Variants in FAM174B observed in about 807,000 individuals in gnomAD.
The protein encoded by FAM174B is family with sequence similarity 174 member B.
In FAM174B, 12 loss-of-function variants were observed where a neutral mutation model predicts 10.9. That is an observed-to-expected ratio of 1.10 (90% confidence interval 0.71 to 1.79). The LOEUF (loss-of-function observed/expected upper bound fraction) is 1.79. Ranked by LOEUF, FAM174B falls within the 40% of genes most tolerant of loss-of-function variation. The pLI, the probability that FAM174B is intolerant of heterozygous loss-of-function variation, is 0.00. For missense variants in FAM174B, 266 were observed against 233.3 expected (o/e 1.14, Z -0.91); for synonymous variants, 132 against 115.8 (o/e 1.14, Z -0.90).
intron 1 of FAM174B, among the ~76,000 whole-genome samples, chr15:92,644,526 TG>T (rs1049692803): frequency 3.3e-5 from 5 of 152,104 alleles, no homozygotes; most frequent in Admixed American, 6.5e-5. Context: ...ACACAGAGGC[TG>T]GGGAGACCCT....
chr15:92,653,536 AG>A (rs772045273), intron 1 of FAM174B, among the ~76,000 whole-genome samples: 3 of 152,374 alleles, frequency 2.0e-5, no homozygotes, highest in East Asian at 3.9e-4. Context: ...GCTGAATGGC[AG>A]GCCCGCATCG....
chr15:92,630,490 G>A, intron 1 of FAM174B, 145 bp from the exon 2 acceptor site: 1 of 774,412 alleles, frequency 1.3e-6, no homozygotes. Flanking sequence ...AGGATCTGAT[G>A]GAAGGCAAAC....
intron 1 of FAM174B, among the ~76,000 whole-genome samples, chr15:92,641,136 T>G (rs929437125): frequency 2.6e-5 from 4 of 152,174 alleles, no homozygotes; most frequent in African/African-American, 9.7e-5. Context: ...AATCTCACTT[T>G]CAATAAGATA....
In FAM174B at chr15:92,655,655, C is replaced by T. The variant is rs2051000337; in HGVS notation, c.5G>A (p.Arg2His). 2 of 1,256,634 alleles carry T rather than the reference C, an allele frequency of 1.6e-6. No homozygotes were observed. Among genetic ancestry groups the T allele is most frequent in the Non-Finnish European group, 2.0e-6 (2 of 1,006,192 alleles). The allele number at this position is 1,256,634 out of a possible 1,614,324, so 77.8% of individuals were successfully genotyped here. A position where few individuals can be genotyped will look rare whatever the true frequency, so the allele number is the denominator to read the frequency against. M[R>H]AVPLPAPLLP... ...GAGCGGGGCGGGCAGCGGCACGGCGCGCATAGTGCGGTGGGTCGGCACAGG... is the reference window on the plus strand; with the variant it reads ...GAGCGGGGCGGGCAGCGGCACGGCGTGCATAGTGCGGTGGGTCGGCACAGG... Residue 2 changes from arginine to histidine, a missense_variant, in exon 1 of 3, where the codon CGC becomes CAC. Arg to His is a conservative substitution (Grantham distance 29). Coordinates refer to ENST00000327355, the MANE Select transcript of FAM174B (RefSeq NM_207446.3).
intron 1 of FAM174B, among the ~76,000 whole-genome samples, chr15:92,645,986 C>T (rs981311036): frequency 1.3e-5 from 2 of 152,084 alleles, no homozygotes; most frequent in African/African-American, 4.8e-5. Flanking sequence ...CCTCACCAAA[C>T]CTATCCCTTT....
At chr15:92,635,581 T>C (rs1166691392) in intron 1 of FAM174B, among the ~76,000 whole-genome samples, 2 of 105,116 alleles carry the variant, frequency 1.9e-5, no homozygotes, top group South Asian at 2.7e-4. Flanking sequence ...ATTTCTTTCT[T>C]TTTTTTTTTT....
chr15:92,632,280 C>T (rs760721874), intron 1 of FAM174B, among the ~76,000 whole-genome samples: 2 of 152,180 alleles, frequency 1.3e-5, no homozygotes, highest in Non-Finnish European at 2.9e-5. Flanking sequence ...TGCGGTGGCT[C>T]ACGCCTGTAA....
chr15:92,632,769 G>A (rs533042423), intron 1 of FAM174B, among the ~76,000 whole-genome samples: 45 of 151,554 alleles, frequency 3.0e-4, no homozygotes, highest in African/African-American at 8.5e-4. Context: ...CGATCCTCCC[G>A]CCTCAGCCTC....
rs528029593 is a variant in FAM174B, at chr15:92,623,968, T to C, written c.477-4509A>G. ...CCTTCCCTCTTTTCTTTTTCTTTCT[T>C]TCTCTTTCCTTTTTGTTTATTTGAT... On this transcript the variant is annotated intron_variant, in intron 2 of 2. Transcript: ENST00000327355. 2.5e-3 allele frequency among the ~76,000 whole-genome samples: 387 copies of C among 152,376 alleles called. 4 individuals are homozygous for C. Among genetic ancestry groups the C allele is most frequent in the African/African-American group, 8.8e-3 (364 of 41,588 alleles).
At chr15:92,631,359 A>AT (rs2050810928) in intron 1 of FAM174B, among the ~76,000 whole-genome samples, 2 of 30,572 alleles carry the variant, frequency 6.5e-5, no homozygotes, top group African/African-American at 3.8e-4. Context: ...AATATATTAT[A>AT]TATTATATTA....
At chr15:92,626,302 G>A (rs2050752582) in intron 2 of FAM174B, among the ~76,000 whole-genome samples, 1 of 151,984 alleles carries the variant, frequency 6.6e-6, no homozygotes, top group Admixed American at 6.6e-5. Context: ...GTTTCACCGT[G>A]TTAGCCAGGA....
At chr15:92,630,460 T>C in intron 1 of FAM174B, 115 bp from the exon 2 acceptor site, 1 of 981,492 alleles carries the variant, frequency 1.0e-6, no homozygotes, top group South Asian at 1.6e-5. Flanking sequence ...TCAGGTTTCC[T>C]TCCTCTGTCT....
chr15:92,632,800 G>A (rs968913274), intron 1 of FAM174B, among the ~76,000 whole-genome samples: 26 of 152,102 alleles, frequency 1.7e-4, no homozygotes, highest in Admixed American at 3.3e-4. Context: ...GGGGATGACA[G>A]GCGTGGGACA....
intron 2 of FAM174B, among the ~76,000 whole-genome samples, chr15:92,626,139 A>ACGGAGTCTCGCTCGTTCAC (rs373252541): frequency 7.3e-6 from 1 of 137,398 alleles, no homozygotes. Context: ...TTTTTTTGAG[A>ACGGAGTCTCGCTCGTTCAC]CCAGGCCGGA....
intron 1 of FAM174B, among the ~76,000 whole-genome samples, chr15:92,648,363 G>A (rs1345126451): frequency 6.6e-6 from 1 of 152,158 alleles, no homozygotes; most frequent in Non-Finnish European, 1.5e-5. Flanking sequence ...CTTGACCTCT[G>A]ATGTGTTCCA....
rs1292787104 is a variant in FAM174B, at chr15:92,619,429, G to A, written c.*27C>T. On this transcript the variant is annotated 3_prime_UTR_variant, in exon 3 of 3. Transcript: ENST00000327355. Reference sequence around the variant, plus strand: ...GGTTGCAGCTGACCAACTTTCCACAGGATGCCACCAGGCTGGGAAACAGGT... The same window carrying A: ...GGTTGCAGCTGACCAACTTTCCACAAGATGCCACCAGGCTGGGAAACAGGT... 1 of 1,613,888 alleles carries A rather than the reference G, an allele frequency of 6.2e-7. No homozygotes were observed. Among genetic ancestry groups the A allele is most frequent in the South Asian group, 1.1e-5 (1 of 91,064 alleles).
chr15:92,635,093 T>C (rs2050844786), intron 1 of FAM174B, among the ~76,000 whole-genome samples: 1 of 134,120 alleles, frequency 7.5e-6, no homozygotes, highest in South Asian at 2.6e-4. Flanking sequence ...TTCCTTACGA[T>C]AAGCCTCTCT....
intron 1 of FAM174B, among the ~76,000 whole-genome samples, chr15:92,643,228 A>G (rs1026887510): frequency 6.6e-6 from 1 of 151,986 alleles, no homozygotes; most frequent in African/African-American, 2.4e-5. Flanking sequence ...TTGGCCCCCA[A>G]AGTGCTAGGA....
At chr15:92,639,938 C>T (rs1017898995) in intron 1 of FAM174B, among the ~76,000 whole-genome samples, 6 of 152,116 alleles carry the variant, frequency 3.9e-5, no homozygotes, top group African/African-American at 1.2e-4. Context: ...AGTGCAAGAA[C>T]AGACTAATAC....
Sources: allele counts gnomAD v4.1 joint callset (sites outside exome capture counted in the v4.1 genomes callset), GRCh38; gene constraint gnomAD v4.1.1; transcripts MANE v1.5; gene names NCBI Gene and HGNC (gene_info 2026-07-23, HGNC 2026-07-21).